Variants in GRB2 observed in about 807,000 individuals in gnomAD.
GRB2 encodes growth factor receptor bound protein 2, also known as growth factor receptor-bound protein 2.
In GRB2, 2 loss-of-function variants were observed where a neutral mutation model predicts 27.4. The observed-to-expected ratio is 0.07, with a 90% confidence interval of 0.03 to 0.23. The LOEUF is 0.23. GRB2 is among the 10% of genes least tolerant of loss of function. GRB2 has a pLI of 1.00. For synonymous variants in GRB2, 94 were observed against 99.6 expected, an observed-to-expected ratio of 0.94 and a Z score of 0.33; for missense variants, 102 against 282.4, an observed-to-expected ratio of 0.36 and a Z score of 4.58.
intron 2 of GRB2, among the ~76,000 whole-genome samples, chr17:75,354,855 C>A (rs1447756228): frequency 6.6e-6 from 1 of 152,236 alleles, no homozygotes; most frequent in African/African-American, 2.4e-5. Context: ...GCACTGAGAA[C>A]CCAGCCATAG....
chr17:75,324,333 A>AG (rs1224433885), intron 4 of GRB2, among the ~76,000 whole-genome samples: 1 of 149,506 alleles, frequency 6.7e-6, no homozygotes, highest in Non-Finnish European at 1.5e-5. Flanking sequence ...CTGGGATTAC[A>AG]GGCACACGCC....
At chr17:75,355,462 G>A (rs989676285) in intron 2 of GRB2, among the ~76,000 whole-genome samples, 4 of 151,660 alleles carry the variant, frequency 2.6e-5, no homozygotes, top group African/African-American at 9.7e-5. Context: ...ATAAAGCAAA[G>A]TGAAAAGAAT....
chr17:75,345,020 A>C (rs1378542570), intron 2 of GRB2, among the ~76,000 whole-genome samples: 1 of 151,774 alleles, frequency 6.6e-6, no homozygotes, highest in African/African-American at 2.4e-5. Context: ...ATTAATGACA[A>C]CAGAGGTTTT....
intron 2 of GRB2, among the ~76,000 whole-genome samples, chr17:75,389,913 T>C (rs754726104): frequency 2.6e-5 from 4 of 152,194 alleles, no homozygotes; most frequent in Non-Finnish European, 4.4e-5. Context: ...AATTTTTATA[T>C]ACCATCTTGT....
intron 1 of GRB2, among the ~76,000 whole-genome samples, chr17:75,399,427 G>T (rs2079049679): frequency 6.8e-6 from 1 of 147,320 alleles, no homozygotes; most frequent in African/African-American, 2.5e-5. Context: ...GAATGCAGTG[G>T]CACGATCTTG....
At position 75,319,856 on chromosome 17, in the gene GRB2, A is replaced by G. The variant is rs537412183; in HGVS notation, c.*512T>C. ...CTGGGCTGGAAGGCAGATTCCTACA[A>G]GTCCCCTCCTCTGGAGGAAGCTAAA... On this transcript the variant is annotated 3_prime_UTR_variant, in exon 6 of 6. Transcript: ENST00000316804. 3 of 153,414 alleles carry G rather than the reference A, an allele frequency of 2.0e-5. No individual in the cohort carries two copies. The highest frequency in any genetic ancestry group is 7.2e-5 in the African/African-American group (3 of 41,584). The allele number at this position is 153,414 out of a possible 1,614,324, so 9.5% of individuals were successfully genotyped here.
chr17:75,319,400 C>G lies in GRB2; in HGVS notation c.*968G>C, dbSNP rs1338189419. On this transcript the variant is annotated 3_prime_UTR_variant, in exon 6 of 6. Coordinates refer to ENST00000316804, the MANE Select transcript of GRB2 (RefSeq NM_002086.5). ...TGAAAAAACAACATGCTCGATAATCCCACTGGAAGGGCCAACAAAGTGGAA... is the reference window on the plus strand; with the variant it reads ...TGAAAAAACAACATGCTCGATAATCGCACTGGAAGGGCCAACAAAGTGGAA... 2 of 149,670 alleles carry G rather than the reference C, an allele frequency of 1.3e-5. No individual in the cohort carries two copies. The allele number at this position is 149,670 out of a possible 1,614,324, so 9.3% of individuals were successfully genotyped here. A position where few individuals can be genotyped will look rare whatever the true frequency, so the allele number is the denominator to read the frequency against.
chr17:75,390,885 T>C (rs2078994207), intron 2 of GRB2, among the ~76,000 whole-genome samples: 1 of 152,232 alleles, frequency 6.6e-6, no homozygotes, highest in Non-Finnish European at 1.5e-5. Context: ...GGCATATATA[T>C]GCCTATTTCA....
At chr17:75,357,501 C>A (rs2078740872) in intron 2 of GRB2, among the ~76,000 whole-genome samples, 1 of 152,152 alleles carries the variant, frequency 6.6e-6, no homozygotes, top group African/African-American at 2.4e-5. Context: ...TAAAATTGTT[C>A]TTTGAAAAAA....
intron 2 of GRB2, among the ~76,000 whole-genome samples, chr17:75,363,445 T>C (rs1328021181): frequency 6.6e-6 from 1 of 152,144 alleles, no homozygotes; most frequent in Non-Finnish European, 1.5e-5. Context: ...AGATACACTG[T>C]CTATTATTTC....
At chr17:75,333,876 T>C (rs115438006) in intron 2 of GRB2, among the ~76,000 whole-genome samples, 267 of 152,256 alleles carry the variant, frequency 1.8e-3, no homozygotes, top group African/African-American at 5.3e-3. Context: ...AGATCAATGG[T>C]CAACCCAGGT....
intron 2 of GRB2, chr17:75,344,454 G>A (rs45551239): frequency 0.033 from 4,814 of 147,500 alleles, 122 homozygotes; most frequent in South Asian, 0.062. Context: ...GTGCAATGGC[G>A]TGATCTCAGC....
At chr17:75,350,237 A>G (rs1039922591) in intron 2 of GRB2, among the ~76,000 whole-genome samples, 5 of 124,742 alleles carry the variant, frequency 4.0e-5, no homozygotes, top group Non-Finnish European at 7.5e-5. Flanking sequence ...TCTGAGGGGA[A>G]AAAAAAAAAA....
chr17:75,329,248 T>C (rs1188233210), intron 3 of GRB2, among the ~76,000 whole-genome samples: 2 of 152,058 alleles, frequency 1.3e-5, no homozygotes, highest in African/African-American at 2.4e-5. Context: ...ATCTCTCCAC[T>C]AGGGAGGTTT....
At chr17:75,331,948 G>A (rs1598220427) in intron 3 of GRB2, among the ~76,000 whole-genome samples, 1 of 152,284 alleles carries the variant, frequency 6.6e-6, no homozygotes, top group East Asian at 1.9e-4. Context: ...TCCGCCACCA[G>A]CTGCTGTGAA....
chr17:75,344,345 T>C (rs984239313), intron 2 of GRB2: 2 of 152,024 alleles, frequency 1.3e-5, no homozygotes, highest in African/African-American at 4.8e-5. Context: ...ATTAATGGTA[T>C]CAGAACTTCT....
intron 2 of GRB2, among the ~76,000 whole-genome samples, chr17:75,334,362 G>A (rs1384203888): frequency 1.3e-5 from 2 of 151,822 alleles, no homozygotes; most frequent in Admixed American, 6.6e-5. Flanking sequence ...TAGTAGAGAC[G>A]GGGTTTCACC....
At chr17:75,342,302 G>A (rs56325078) in intron 2 of GRB2, among the ~76,000 whole-genome samples, 230 of 152,216 alleles carry the variant, frequency 1.5e-3, no homozygotes, top group Non-Finnish European at 2.4e-3. Flanking sequence ...CTTCCTCACA[G>A]CTCTTAGTAT....
intron 2 of GRB2, among the ~76,000 whole-genome samples, chr17:75,334,393 G>C (rs1037525937): frequency 6.6e-6 from 1 of 151,828 alleles, no homozygotes; most frequent in South Asian, 2.1e-4. Flanking sequence ...GGATGGTCTC[G>C]ATCTCCTGAC....
Sources: gnomAD v4.1 joint callset for allele counts (sites outside exome capture counted in the v4.1 genomes callset) on GRCh38, gnomAD v4.1.1 for gene constraint, MANE v1.5 for transcripts, NCBI Gene and HGNC (gene_info 2026-07-23, HGNC 2026-07-21) for gene names.